NOL4: variants seen among roughly 807,000 people sequenced by gnomAD.
NOL4 encodes cancer/testis antigen 125.
A neutral mutation model predicts 75.9 loss-of-function variants in NOL4; 17 were observed. The observed-to-expected ratio is 0.22, with a 90% confidence interval of 0.15 to 0.34. The LOEUF (loss-of-function observed/expected upper bound fraction) is 0.34, where lower values mean the gene tolerates loss of function less well. NOL4 is among the 10% of genes least tolerant of loss of function. The pLI is 1.00. For missense variants in NOL4, 614 were observed against 793.5 expected, an observed-to-expected ratio of 0.77 and a Z score of 2.72; for synonymous variants, 292 against 289.9, an observed-to-expected ratio of 1.01 and a Z score of -0.07.
intron 5 of NOL4, among the ~76,000 whole-genome samples, chr18:34,084,294 C>T (rs2078147257): frequency 6.6e-6 from 1 of 152,130 alleles, no homozygotes; most frequent in Admixed American, 6.5e-5. Flanking sequence ...ATCCAAGATA[C>T]TGCGGTCGCC....
At chr18:33,982,277 A>T (rs1054897271) in intron 6 of NOL4, among the ~76,000 whole-genome samples, 1 of 152,158 alleles carries the variant, frequency 6.6e-6, no homozygotes, top group African/African-American at 2.4e-5. Context: ...GTCAGAGTGG[A>T]TCAAAAATCA....
chr18:34,079,111 G>A (rs1198946063), intron 5 of NOL4, among the ~76,000 whole-genome samples: 1 of 152,126 alleles, frequency 6.6e-6, no homozygotes, highest in Non-Finnish European at 1.5e-5. Context: ...CTAAAACTCA[G>A]TAACTTTTGT....
intron 9 of NOL4, among the ~76,000 whole-genome samples, chr18:33,930,838 T>C (rs1428228473): frequency 6.6e-6 from 1 of 152,060 alleles, no homozygotes; most frequent in East Asian, 1.9e-4. Flanking sequence ...CAACTTAAAA[T>C]AGTTGAATGA....
intron 6 of NOL4, among the ~76,000 whole-genome samples, chr18:33,997,971 C>T (rs557677970): frequency 3.3e-5 from 5 of 151,826 alleles, no homozygotes; most frequent in African/African-American, 1.2e-4. Flanking sequence ...TGGACCCATA[C>T]TACAAAATGG....
At chr18:34,074,930 T>A (rs569902206) in intron 5 of NOL4, among the ~76,000 whole-genome samples, 44 of 152,284 alleles carry the variant, frequency 2.9e-4, no homozygotes, top group African/African-American at 9.9e-4. Flanking sequence ...CTGACTTGCT[T>A]ATTGCAATAG....
chr18:34,018,234 T>C (rs1173994375), intron 6 of NOL4, among the ~76,000 whole-genome samples: 1 of 152,172 alleles, frequency 6.6e-6, no homozygotes, highest in Non-Finnish European at 1.5e-5. Flanking sequence ...TCATCAAATA[T>C]AAAATCATTT....
chr18:33,860,541 A>G (rs976723644), intron 10 of NOL4, among the ~76,000 whole-genome samples: 1 of 152,148 alleles, frequency 6.6e-6, no homozygotes, highest in Non-Finnish European at 1.5e-5. Flanking sequence ...GGGCTGAAAC[A>G]ATGGAGTTTT....
chr18:34,188,725 T>G (rs1426049338), intron 1 of NOL4, among the ~76,000 whole-genome samples: 1 of 152,210 alleles, frequency 6.6e-6, no homozygotes, highest in Admixed American at 6.5e-5. Flanking sequence ...ATTCAAAATC[T>G]GAAGTACAGT....
At chr18:33,993,795 A>G (rs1013103132) in intron 6 of NOL4, among the ~76,000 whole-genome samples, 2 of 151,900 alleles carry the variant, frequency 1.3e-5, no homozygotes, top group Non-Finnish European at 2.9e-5. Flanking sequence ...TCTGGAGTTG[A>G]AAAGTATAGT....
chr18:34,179,475 T>G (rs1417197099), intron 1 of NOL4, among the ~76,000 whole-genome samples: 2 of 151,336 alleles, frequency 1.3e-5, no homozygotes, highest in Non-Finnish European at 1.5e-5. Flanking sequence ...TAGAATAAAT[T>G]ATTTTTAAAG....
In NOL4 at chr18:34,062,647, T is replaced by C. The variant is rs1316302862; in HGVS notation, c.772+30818A>G. The stretch of plus-strand genomic sequence containing the variant: ...AGAATGTGTTAAAGAAGGGGTTATA[T>C]GACTTTTAAAAATAGAATAACATAT... On this transcript the variant is annotated intron_variant, in intron 5 of 10. Coordinates refer to ENST00000261592, the MANE Select transcript of NOL4 (RefSeq NM_003787.5). 5.3e-5 allele frequency among the ~76,000 whole-genome samples: 8 copies of C among 152,268 alleles called. No individual in the cohort carries two copies. In the East Asian group the frequency reaches 1.3e-3, roughly 26 times the overall value.
At chr18:34,024,190 A>ATATATATATATATATATATATATATAT (rs1322401512) in intron 5 of NOL4, among the ~76,000 whole-genome samples, 19 of 69,632 alleles carry the variant, frequency 2.7e-4, no homozygotes, top group Non-Finnish European at 3.3e-4. Flanking sequence ...GGAAAAAAAA[A>ATATATATATATATATATATATATATAT]AAAAATATAT....
chr18:34,144,099 T>C (rs1429266144), intron 1 of NOL4, among the ~76,000 whole-genome samples: 3 of 152,116 alleles, frequency 2.0e-5, no homozygotes, highest in South Asian at 2.1e-4. Flanking sequence ...ATAAACCAGA[T>C]GAACCACCTC....
intron 1 of NOL4, among the ~76,000 whole-genome samples, chr18:34,216,607 T>C (rs921924402): frequency 1.3e-5 from 2 of 149,386 alleles, no homozygotes; most frequent in South Asian, 2.1e-4. Flanking sequence ...AACATAATTA[T>C]AATATAATGA....
chr18:34,104,601 T>C (rs1409634977), intron 3 of NOL4, among the ~76,000 whole-genome samples: 2 of 152,006 alleles, frequency 1.3e-5, no homozygotes, highest in Non-Finnish European at 2.9e-5. Flanking sequence ...TGAGAGGAAG[T>C]CATATTTAGC....
intron 5 of NOL4, among the ~76,000 whole-genome samples, chr18:34,029,465 G>A (rs926134785): frequency 6.6e-6 from 1 of 152,088 alleles, no homozygotes; most frequent in African/African-American, 2.4e-5. Flanking sequence ...GCAAGCCCAG[G>A]TTACCTAATG....
intron 8 of NOL4, among the ~76,000 whole-genome samples, chr18:33,952,938 G>T (rs1282276484): frequency 1.3e-5 from 2 of 151,982 alleles, no homozygotes; most frequent in Admixed American, 6.6e-5. Flanking sequence ...AAAACAAAAT[G>T]TTCTAACATG....
At chr18:33,884,900 A>G (rs905040467) in intron 9 of NOL4, among the ~76,000 whole-genome samples, 1 of 152,136 alleles carries the variant, frequency 6.6e-6, no homozygotes, top group Non-Finnish European at 1.5e-5. Flanking sequence ...TAACACAGTT[A>G]TGGCTTTGCT....
intron 1 of NOL4, among the ~76,000 whole-genome samples, chr18:34,143,988 A>G (rs1000090667): frequency 4.6e-5 from 7 of 151,964 alleles, no homozygotes; most frequent in African/African-American, 1.4e-4. Context: ...TACTTCTATC[A>G]TTGCTTCTTT....
Sources: gnomAD v4.1 joint callset for allele counts (sites outside exome capture counted in the v4.1 genomes callset) on GRCh38, gnomAD v4.1.1 for gene constraint, MANE v1.5 for transcripts, NCBI Gene and HGNC (gene_info 2026-07-23, HGNC 2026-07-21) for gene names.